Variants in RLN2 observed in about 807,000 individuals in gnomAD.
RLN2 encodes relaxin 2.
In RLN2, 10 loss-of-function variants were observed where a neutral mutation model predicts 7.3. The ratio of observed to expected loss-of-function variants is 1.36; its 90% CI spans 0.84 to 2.31. RLN2 has a LOEUF of 2.31. RLN2 is among the 30% of genes most tolerant of loss of function. The pLI, the probability that RLN2 is intolerant of heterozygous loss-of-function variation, is 0.00. For missense variants in RLN2, 298 were observed against 217.6 expected, an observed-to-expected ratio of 1.37 and a Z score of -2.32; for synonymous variants, 103 against 82.3, an observed-to-expected ratio of 1.25 and a Z score of -1.36.
At position 5,304,560 on chromosome 9, in the gene RLN2, GA is replaced by G. The variant is rs760343057; in HGVS notation, c.20del (p.Phe7SerfsTer4). On this transcript the variant is annotated frameshift_variant, in exon 1 of 2. Coordinates refer to ENST00000381627, the MANE Select transcript of RLN2 (RefSeq NM_134441.3). LOFTEE classifies it high-confidence loss of function. The part of the protein sequence containing the change: MPRLFF[F>X]HLLGVCLLLN... ...GTAGTAAACAGACTCCTAGCAGGTG[GA>G]AAAAAAACAGGCGAGGCATCCTGGG... 1.9e-6 allele frequency: 3 copies of G among 1,613,330 alleles called. No homozygotes were observed. Among genetic ancestry groups the G allele is most frequent in the Non-Finnish European group, 1.7e-6 (2 of 1,179,644 alleles).
chr9:5,327,522 T>C, the RLN2 span, among the ~76,000 whole-genome samples: 1 of 152,114 alleles, frequency 6.6e-6, no homozygotes, highest in Non-Finnish European at 1.5e-5. Flanking sequence ...GACTTAAACG[T>C]CCCTGTCTGA....
chr9:5,332,901 G>T, the RLN2 span, among the ~76,000 whole-genome samples: 4 of 151,918 alleles, frequency 2.6e-5, no homozygotes, highest in African/African-American at 9.7e-5. Flanking sequence ...TCAGGCATGA[G>T]CCACCGCGCC....
At chr9:5,318,925 A>T in the RLN2 span, among the ~76,000 whole-genome samples, 6 of 151,970 alleles carry the variant, frequency 3.9e-5, no homozygotes, top group Non-Finnish European at 7.4e-5. Context: ...GAAAAGGGCC[A>T]ATCAAATACA....
chr9:5,316,035 C>A, the RLN2 span, among the ~76,000 whole-genome samples: 1 of 151,908 alleles, frequency 6.6e-6, no homozygotes, highest in African/African-American at 2.4e-5. Context: ...AAGGTAAATA[C>A]ATAGTCAAAT....
the RLN2 span, among the ~76,000 whole-genome samples, chr9:5,337,237 G>A: frequency 6.6e-6 from 1 of 152,064 alleles, no homozygotes; most frequent in African/African-American, 2.4e-5. Context: ...GCTGAAAAAA[G>A]CTGATGGTAA....
chr9:5,336,688 T>G, the RLN2 span, among the ~76,000 whole-genome samples: 1 of 152,110 alleles, frequency 6.6e-6, no homozygotes, highest in African/African-American at 2.4e-5. Flanking sequence ...TGACAATGTT[T>G]AAATTATAGT....
chr9:5,305,733 C>T (rs185310645), upstream of RLN2, among the ~76,000 whole-genome samples: 566 of 152,136 alleles, frequency 3.7e-3, 6 homozygotes, highest in Non-Finnish European at 6.6e-3. Flanking sequence ...TGGAGACATG[C>T]AGGACATTAG....
chr9:5,316,523 T>C, the RLN2 span, among the ~76,000 whole-genome samples: 7 of 152,136 alleles, frequency 4.6e-5, 1 homozygote, highest in African/African-American at 1.7e-4. Flanking sequence ...TTCCCACTTT[T>C]ATGAGTGAGA....
At chr9:5,330,134 A>G in the RLN2 span, among the ~76,000 whole-genome samples, 1 of 152,086 alleles carries the variant, frequency 6.6e-6, no homozygotes, top group African/African-American at 2.4e-5. Flanking sequence ...CTACATGGAA[A>G]CTGAACAACC....
At chr9:5,308,249 C>T (rs1816288554), upstream of RLN2, among the ~76,000 whole-genome samples, 1 of 151,966 alleles carries the variant, frequency 6.6e-6, no homozygotes, top group Non-Finnish European at 1.5e-5. Context: ...GTCTTCTTCT[C>T]AGCAAACTGC....
chr9:5,331,429 A>G, the RLN2 span, among the ~76,000 whole-genome samples: 1 of 152,146 alleles, frequency 6.6e-6, no homozygotes, highest in East Asian at 1.9e-4. Context: ...AATGTCCATC[A>G]ATGATAGACT....
chr9:5,337,321 C>G, the RLN2 span, among the ~76,000 whole-genome samples: 3 of 152,030 alleles, frequency 2.0e-5, no homozygotes, highest in African/African-American at 7.3e-5. Flanking sequence ...TATTCATAGG[C>G]TGTGTGTTTT....
chr9:5,301,741 G>GGGCTGATCATTTCCTGA (rs1191969401), intron 1 of RLN2, among the ~76,000 whole-genome samples: 2 of 152,110 alleles, frequency 1.3e-5, no homozygotes, highest in Non-Finnish European at 2.9e-5. Context: ...GGTGGTTCTG[G>GGGCTGATCATTTCCTGA]GGCTGATCAT....
the RLN2 span, among the ~76,000 whole-genome samples, chr9:5,319,987 CT>C: frequency 0.076 from 10,968 of 144,722 alleles, 622 homozygotes; most frequent in African/African-American, 0.16. Flanking sequence ...TAAGCTAACA[CT>C]TTTTTTTTTT....
chr9:5,304,852 C>T (rs1816214406), upstream of RLN2: 1 of 497,136 alleles, frequency 2.0e-6, no homozygotes, highest in African/African-American at 1.9e-5. Context: ...TCCCTCTGTC[C>T]TTGGCCCTTT....
the RLN2 span, among the ~76,000 whole-genome samples, chr9:5,319,463 T>C: frequency 0.014 from 2,144 of 152,034 alleles, 82 homozygotes; most frequent in African/African-American, 0.05. Context: ...TTAATGTAAC[T>C]TTTCATTTAG....
Position 5,304,218 on chromosome 9 carries a change from C to G in RLN2, c.211+152G>C. 1.8e-5 allele frequency: 10 copies of G among 565,708 alleles called. No individual in the cohort carries two copies. The South Asian group carries it at 2.0e-4, about 11-fold the overall frequency. 35.0% of individuals were successfully genotyped at this position (565,708 alleles called of 1,614,324 possible). On this transcript the variant is annotated intron_variant, in intron 1 of 1. Coordinates refer to ENST00000381627, the MANE Select transcript of RLN2 (RefSeq NM_134441.3). ...TCACCTGGCAAAGGAAAAGCCCAAA[C>G]TTTAGGGACCAGCCACGGCTGAGTA...
At chr9:5,327,395 C>G in the RLN2 span, among the ~76,000 whole-genome samples, 1 of 151,950 alleles carries the variant, frequency 6.6e-6, no homozygotes, top group South Asian at 2.1e-4. Flanking sequence ...AACAAAGAGG[C>G]TAGGAAGCAC....
At chr9:5,311,555 G>C in the RLN2 span, 4 of 757,434 alleles carry the variant, frequency 5.3e-6, no homozygotes, top group East Asian at 9.9e-5. Flanking sequence ...TCCAAAGCCA[G>C]AGCTCAAGCC....
Sources: gnomAD v4.1 joint callset for allele counts (sites outside exome capture counted in the v4.1 genomes callset) on GRCh38, gnomAD v4.1.1 for gene constraint, MANE v1.5 for transcripts, NCBI Gene and HGNC (gene_info 2026-07-23, HGNC 2026-07-21) for gene names.